Variants in ADGRB1 observed in about 807,000 individuals in gnomAD.
The protein encoded by ADGRB1 is adhesion G protein-coupled receptor B1, also known as brain-specific angiogenesis inhibitor 1.
In ADGRB1, 36 loss-of-function variants were observed where a neutral mutation model predicts 175.7. The ratio of observed to expected loss-of-function variants is 0.20; its 90% CI spans 0.16 to 0.27. The LOEUF is 0.27. Ranked by LOEUF, ADGRB1 falls within the 10% of genes least tolerant of loss-of-function variation. The pLI, the probability that ADGRB1 is intolerant of heterozygous loss-of-function variation, is 1.00. For synonymous variants in ADGRB1, 1,054 were observed against 979.4 expected (o/e 1.08, Z -1.42); for missense variants, 1,731 against 2,255.3 (o/e 0.77, Z 4.71).
rs1840804845 is a variant in ADGRB1 at position 142,474,104 on chromosome 8, A to G, written c.785-1370A>G. 6.6e-6 allele frequency among the ~76,000 whole-genome samples: 1 copy of G among 152,160 alleles called. No individual in the cohort carries two copies. On this transcript the variant is annotated intron_variant, in intron 2 of 30. Transcript: ENST00000517894. The surrounding 1 kb of genome is among the most constrained non-coding windows in gnomAD (Gnocchi z 5.8). Reference sequence around the variant, plus strand: ...AGTGAGGCCAGTGGGTGGTGGGGCCACTGGGGGAATCTGGCAGCTGGAGCT... The same window carrying G: ...AGTGAGGCCAGTGGGTGGTGGGGCCGCTGGGGGAATCTGGCAGCTGGAGCT...
rs773821198 is a variant in ADGRB1, at chr8:142,477,200, G to A, written c.1144G>A (p.Val382Met). ...EGWQTRTRFC[V>M]SSSYSTQCSG... is the part of the protein sequence containing the mutation. Reference sequence around the variant, plus strand: ...CTGGCAGACCCGCACGCGCTTCTGCGTGTCCTCCTCCTACAGCACGCAGTG... The same window carrying A: ...CTGGCAGACCCGCACGCGCTTCTGCATGTCCTCCTCCTACAGCACGCAGTG... Residue 382 changes from valine (V) to methionine (M), a missense_variant, in exon 5 of 31, where the codon GTG becomes ATG. Physicochemically the swap from Val to Met is conservative, Grantham distance 21 (BLOSUM62 1). Coordinates refer to ENST00000517894, the MANE Select transcript of ADGRB1 (RefSeq NM_001702.3). 6.3e-7 allele frequency: 1 copy of A among 1,597,280 alleles called. No individual in the cohort carries two copies. The highest frequency in any genetic ancestry group is 8.5e-7 in the Non-Finnish European group (1 of 1,177,562).
chr8:142,480,563 G>A (rs960959886), intron 9 of ADGRB1, among the ~76,000 whole-genome samples: 2 of 152,210 alleles, frequency 1.3e-5, no homozygotes, highest in South Asian at 2.1e-4. Flanking sequence ...CGTGAATGCC[G>A]CACGGTGGCG....
intron 1 of ADGRB1, among the ~76,000 whole-genome samples, chr8:142,456,728 A>G (rs1839704954): frequency 6.6e-6 from 1 of 152,092 alleles, no homozygotes; most frequent in Non-Finnish European, 1.5e-5. Flanking sequence ...GTTCCTCCCC[A>G]CTGCCACATA....
chr8:142,525,642 G>T (rs80044395), intron 23 of ADGRB1, among the ~76,000 whole-genome samples: 1 of 152,184 alleles, frequency 6.6e-6, no homozygotes, highest in African/African-American at 2.4e-5. Context: ...AAAGCAGGCC[G>T]GCTGTGTGGT....
In ADGRB1 at chr8:142,481,722, C is replaced by T. The variant is rs758546088; in HGVS notation, c.2130+11C>T. 15 of 1,535,010 alleles carry T rather than the reference C, an allele frequency of 9.8e-6. No individual in the cohort carries two copies. The highest frequency in any genetic ancestry group is 2.0e-5 in the Admixed American group (1 of 50,184). ...CCTGGGGACGTACAGGTGGGCTCCC[C>T]GAGCGGCATTTTGGAAGAGGGTGTC... is the stretch of plus-strand genomic sequence containing the variant. On this transcript the variant is annotated intron_variant, in intron 11 of 30. Coordinates refer to ENST00000517894, the MANE Select transcript of ADGRB1 (RefSeq NM_001702.3).
intron 25 of ADGRB1, among the ~76,000 whole-genome samples, chr8:142,534,804 C>A (rs1315049339): frequency 6.6e-6 from 1 of 152,228 alleles, no homozygotes; most frequent in African/African-American, 2.4e-5. Flanking sequence ...AGAAGCCGCT[C>A]ACCCTGGTGC....
chr8:142,450,994 C>A (rs977708677), intron 1 of ADGRB1, among the ~76,000 whole-genome samples: 3 of 152,188 alleles, frequency 2.0e-5, no homozygotes, highest in African/African-American at 7.2e-5. Context: ...GGCCCTCCAC[C>A]GTCGCCGCGC....
rs775975204 is a variant in ADGRB1 at position 142,493,102 on chromosome 8, G to A, written c.2675+2287G>A. Among the ~76,000 whole-genome samples, 3 of 151,956 alleles carry A rather than the reference G, an allele frequency of 2.0e-5. No homozygotes were observed. Among genetic ancestry groups the A allele is most frequent in the Non-Finnish European group, 2.9e-5 (2 of 67,964 alleles). On this transcript the variant is annotated intron_variant, in intron 17 of 30. Coordinates refer to ENST00000517894, the MANE Select transcript of ADGRB1 (RefSeq NM_001702.3). This position sits in a 1 kb window ranked among gnomAD's most constrained non-coding sequence, Gnocchi z 5.0. Reference sequence around the variant, plus strand: ...CTCCCTGGGGATCAGTCCCCAGGCAGTCTTGTCAGGTGGAGGGTGTGGGCC... The same window carrying A: ...CTCCCTGGGGATCAGTCCCCAGGCAATCTTGTCAGGTGGAGGGTGTGGGCC...
intron 18 of ADGRB1, among the ~76,000 whole-genome samples, chr8:142,515,678 C>G (rs1013742976): frequency 1.3e-5 from 2 of 151,504 alleles, no homozygotes; most frequent in Non-Finnish European, 2.9e-5. Context: ...AGCCCTGGAC[C>G]TCAGCTCTGC....
chr8:142,481,116 C>A, intron 9 of ADGRB1, 138 bp from the exon 10 acceptor site: 1 of 729,064 alleles, frequency 1.4e-6, no homozygotes, highest in East Asian at 2.6e-5. Flanking sequence ...GGACTCTGCT[C>A]TCGGCGTGAG....
In ADGRB1 at chr8:142,463,402, C is replaced by T. The variant is rs192238446; in HGVS notation, c.-219-578C>T. On this transcript the variant is annotated intron_variant, in intron 1 of 30. Transcript: ENST00000517894. ...TGCACCCCCTTCCTGCTCTCCAAGC[C>T]TTTAGAAAGGGCTCGGGGGCCAGAC... is the stretch of plus-strand genomic sequence containing the variant. Among the ~76,000 whole-genome samples, 17 of 152,352 alleles carry T rather than the reference C, an allele frequency of 1.1e-4. No homozygotes were observed. In the East Asian group the frequency reaches 3.1e-3, roughly 28 times the overall value.
Position 142,537,156 on chromosome 8 carries a change from C to A in ADGRB1, c.3666+74C>A. 1 of 1,217,082 alleles carries A rather than the reference C, an allele frequency of 8.2e-7. No individual in the cohort carries two copies. Among genetic ancestry groups the A allele is most frequent in the Non-Finnish European group, 1.1e-6 (1 of 919,338 alleles). 75.4% of individuals were successfully genotyped at this position (1,217,082 alleles called of 1,614,324 possible). On this transcript the variant is annotated intron_variant, in intron 26 of 30. Coordinates refer to ENST00000517894, the MANE Select transcript of ADGRB1 (RefSeq NM_001702.3). The surrounding 1 kb of genome is among the most constrained non-coding windows in gnomAD (Gnocchi z 4.6). ...CCCGCCAAGTGCCTCCAGGCCCTCA[C>A]CGTGCCCCAAGCTCCCCTAGGCCCC...
rs781363588 is a variant in ADGRB1, at chr8:142,543,255, G to A, written c.4414-148G>A. 9.4e-5 allele frequency: 98 copies of A among 1,044,568 alleles called. No individual in the cohort carries two copies. Among genetic ancestry groups the A allele is most frequent in the Middle Eastern group, 4.2e-4 (2 of 4,808 alleles). 64.7% of individuals were successfully genotyped at this position (1,044,568 alleles called of 1,614,324 possible). On this transcript the variant is annotated intron_variant, in intron 28 of 30. Transcript: ENST00000517894. The surrounding 1 kb of genome is among the most constrained non-coding windows in gnomAD (Gnocchi z 4.4). ...ATAGCTGGAGGAGCTGCCTCAGTGC[G>A]CCCCCAGGCATGTCCCCTGGGTCTG...
chr8:142,536,937 G>T (rs182248217), intron 25 of ADGRB1, 50 bp from the exon 26 acceptor site: 2 of 1,476,942 alleles, frequency 1.4e-6, no homozygotes, highest in Non-Finnish European at 1.8e-6. Flanking sequence ...TGGCGCTGGC[G>T]CAGGGTGGGG....
intron 18 of ADGRB1, among the ~76,000 whole-genome samples, chr8:142,517,512 T>C (rs986767677): frequency 6.6e-6 from 1 of 151,480 alleles, no homozygotes; most frequent in African/African-American, 2.4e-5. Context: ...GGCTGGCGGC[T>C]AGGCCTAGAA....
Position 142,492,101 on chromosome 8 carries a change from C to A in ADGRB1, c.2675+1286C>A, listed in dbSNP as rs1488029294. On this transcript the variant is annotated intron_variant, in intron 17 of 30. Coordinates refer to ENST00000517894, the MANE Select transcript of ADGRB1 (RefSeq NM_001702.3). The surrounding 1 kb of genome is among the most constrained non-coding windows in gnomAD (Gnocchi z 4.4). The stretch of plus-strand genomic sequence containing the variant: ...CCACCCTCTCCTCTGTCTGCCTGTT[C>A]TTTAATCTATACCCACTGCCACCAC... Among the ~76,000 whole-genome samples, 2 of 151,960 alleles carry A rather than the reference C, an allele frequency of 1.3e-5. No homozygotes were observed. The highest frequency in any genetic ancestry group is 2.4e-5 in the African/African-American group (1 of 41,348).
chr8:142,473,257 AG>A (rs1167235352), intron 2 of ADGRB1, among the ~76,000 whole-genome samples: 1 of 152,098 alleles, frequency 6.6e-6, no homozygotes, highest in East Asian at 1.9e-4. Context: ...TGGGACGGCG[AG>A]GGGGGTGCCG....
rs974310200 is a variant in ADGRB1 at position 142,510,963 on chromosome 8, C to A, written c.2707C>A (p.Pro903Thr). 4.7e-6 allele frequency: 6 copies of A among 1,263,436 alleles called. No homozygotes were observed. In the African/African-American group the frequency reaches 6.4e-5, roughly 14 times the overall value. 78.3% of individuals were successfully genotyped at this position (1,263,436 alleles called of 1,614,324 possible). A position where few individuals can be genotyped will look rare whatever the true frequency, so the allele number is the denominator to read the frequency against. ...CTCCTCCGCCCCCCCGCAGCTCGGG[C>A]CCTGGTCGTGGCGCGGCTGCCGCAC... ...PSSSAPPQLG[P>T]WSWRGCRTVP... The change falls in exon 18 of 31, where the codon CCC becomes ACC. Residue 903 changes from proline (P) to threonine (T), a missense_variant. Physicochemically the swap from Pro to Thr is conservative, Grantham distance 38. Around this residue, in one of 8 missense-constraint regions of ADGRB1, gnomAD observed 77 missense variants for 71.6 expected, o/e 1.08. Transcript: ENST00000517894. This position sits in a 1 kb window ranked among gnomAD's most constrained non-coding sequence, Gnocchi z 6.3.
rs772061687 is a variant in ADGRB1 at position 142,544,607 on chromosome 8, G to A, written c.*190G>A. 2.7e-5 allele frequency: 17 copies of A among 627,394 alleles called. No individual in the cohort carries two copies. Among genetic ancestry groups the A allele is most frequent in the East Asian group, 1.1e-4 (3 of 26,670 alleles). The allele number at this position is 627,394 out of a possible 1,614,324, so 38.9% of individuals were successfully genotyped here. A position where few individuals can be genotyped will look rare whatever the true frequency, so the allele number is the denominator to read the frequency against. On this transcript the variant is annotated 3_prime_UTR_variant, in exon 31 of 31. Coordinates refer to ENST00000517894, the MANE Select transcript of ADGRB1 (RefSeq NM_001702.3). ...CAGAGCCAGATGCAGGACAGGAGGC[G>A]GCCCGGCCAGCGGGCACAGGGCACC...
Sources: gnomAD v4.1 joint callset for allele counts (sites outside exome capture counted in the v4.1 genomes callset) on GRCh38, gnomAD v4.1.1 for gene constraint, gnomAD v4.1.1 regional missense constraint, Gnocchi (gnomAD v3.1) non-coding constraint, MANE v1.5 for transcripts, NCBI Gene and HGNC (gene_info 2026-07-23, HGNC 2026-07-21) for gene names.